WDR7: variants seen among roughly 807,000 people sequenced by gnomAD.
WDR7 encodes WD repeat domain 7, also known as WD repeat-containing protein 7.
A neutral mutation model predicts 169.4 loss-of-function variants in WDR7; 46 were observed. That is an observed-to-expected ratio of 0.27 (90% CI 0.21 to 0.35). WDR7 has a LOEUF of 0.35. Among genes scored for constraint, WDR7 ranks in the 10% least tolerant of loss-of-function variants. The probability of loss-of-function intolerance (pLI) is 1.00; values close to 1 mark genes in which losing one functional copy is unlikely to be tolerated. For missense variants in WDR7, 1,534 were observed against 1,859.3 expected (o/e 0.83, Z 3.22); for synonymous variants, 612 against 666.8 (o/e 0.92, Z 1.27).
intron 1 of WDR7, 153 bp downstream of exon 1, chr18:56,651,729 G>A (rs1318198117): frequency 6.6e-6 from 1 of 152,368 alleles, no homozygotes; most frequent in African/African-American, 2.4e-5. Flanking sequence ...CCTGCAGGTC[G>A]GGCCCAAAAG....
chr18:56,963,778 A>G (rs1408197155), intron 26 of WDR7, among the ~76,000 whole-genome samples: 3 of 152,160 alleles, frequency 2.0e-5, no homozygotes, highest in Non-Finnish European at 2.9e-5. Flanking sequence ...ACTTGTTTAA[A>G]AGTTAAATTG....
chr18:56,840,734 A>C (rs1222304093), intron 20 of WDR7, among the ~76,000 whole-genome samples: 1 of 151,956 alleles, frequency 6.6e-6, no homozygotes, highest in Non-Finnish European at 1.5e-5. Context: ...TGAGAAGATC[A>C]TCTGAACCCG....
chr18:56,951,721 A>G (rs934285843), intron 25 of WDR7, among the ~76,000 whole-genome samples: 5 of 152,178 alleles, frequency 3.3e-5, no homozygotes, highest in Non-Finnish European at 7.4e-5. Context: ...ATGTATATAC[A>G]CATGCACATA....
At chr18:56,694,255 T>C (rs2025646944) in intron 9 of WDR7, among the ~76,000 whole-genome samples, 1 of 152,250 alleles carries the variant, frequency 6.6e-6, no homozygotes, top group Admixed American at 6.5e-5. Flanking sequence ...AAGACTTTTC[T>C]TTTTGATAAA....
At chr18:56,711,582 AC>A (rs1568151877) in intron 12 of WDR7, among the ~76,000 whole-genome samples, 1 of 152,076 alleles carries the variant, frequency 6.6e-6, no homozygotes, top group East Asian at 1.9e-4. Flanking sequence ...AGACATTAAA[AC>A]TAGTCCTTAA....
At chr18:56,690,265 C>T (rs975536599) in intron 7 of WDR7, among the ~76,000 whole-genome samples, 3 of 152,074 alleles carry the variant, frequency 2.0e-5, no homozygotes, top group African/African-American at 7.2e-5. Context: ...TGCGGTGATT[C>T]TCAGGGTCAT....
At chr18:56,900,451 T>C (rs140088326) in intron 21 of WDR7, among the ~76,000 whole-genome samples, 297 of 152,188 alleles carry the variant, frequency 2.0e-3, no homozygotes, top group African/African-American at 6.8e-3. Context: ...GGAAGTTTAA[T>C]ACAAAGAGCT....
intron 11 of WDR7, among the ~76,000 whole-genome samples, chr18:56,695,711 AT>A (rs1419476747): frequency 6.6e-6 from 1 of 151,808 alleles, no homozygotes; most frequent in African/African-American, 2.4e-5. Flanking sequence ...TAATTTTTGT[AT>A]TTTTTGTAGG....
At chr18:56,915,340 C>CT (rs1248384047) in intron 21 of WDR7, among the ~76,000 whole-genome samples, 1 of 152,186 alleles carries the variant, frequency 6.6e-6, no homozygotes, top group South Asian at 2.1e-4. Flanking sequence ...GCTTCATTCA[C>CT]TTGGTTACAC....
rs143989784 is a variant in WDR7, at chr18:56,928,935, G to A, written c.3713+4827G>A. 5.9e-5 allele frequency among the ~76,000 whole-genome samples: 9 copies of A among 152,144 alleles called. No homozygotes were observed. In the South Asian group the frequency reaches 8.3e-4, roughly 14 times the overall value. On this transcript the variant is annotated intron_variant, in intron 22 of 27. Transcript: ENST00000254442. ...AACATCCACAGAATTAAAACAATTC[G>A]TTAAAGTACATAATCAGAATTTTCA... is the stretch of plus-strand genomic sequence containing the variant.
intron 20 of WDR7, among the ~76,000 whole-genome samples, chr18:56,862,418 C>A (rs2145413496): frequency 6.6e-6 from 1 of 151,348 alleles, no homozygotes; most frequent in African/African-American, 2.4e-5. Flanking sequence ...TTTATACAGT[C>A]AACTCTTAAA....
At chr18:56,752,419 C>T (rs2043809513) in intron 14 of WDR7, among the ~76,000 whole-genome samples, 1 of 152,104 alleles carries the variant, frequency 6.6e-6, no homozygotes, top group Non-Finnish European at 1.5e-5. Flanking sequence ...TTCTCCATTG[C>T]GTCCCCTTCT....
At chr18:56,981,532 A>G (rs1046272292) in intron 26 of WDR7, among the ~76,000 whole-genome samples, 3 of 152,196 alleles carry the variant, frequency 2.0e-5, no homozygotes, top group Non-Finnish European at 2.9e-5. Context: ...GAAAAACTTC[A>G]GTGTTTAGAG....
chr18:56,924,921 A>T (rs1019499238), intron 22 of WDR7, among the ~76,000 whole-genome samples: 18 of 152,174 alleles, frequency 1.2e-4, no homozygotes, highest in African/African-American at 4.3e-4. Context: ...CCCCATGCCC[A>T]TTAAGCAGTC....
At chr18:56,686,165 G>A in intron 6 of WDR7, 133 bp downstream of exon 6, 1 of 673,476 alleles carries the variant, frequency 1.5e-6, no homozygotes, top group Non-Finnish European at 2.3e-6. Flanking sequence ...TTTTCTTATA[G>A]GCATAGTATG....
Position 56,820,339 on chromosome 18 carries a change from C to CAAAAAAAAAAAAAAA in WDR7, c.3304+4206_3304+4220dup, listed in dbSNP as rs386387798. Reference sequence around the variant, plus strand: ...AAGGGTCAAGAGTCACTGACATTGTCAAAAAAAAAAAAAAAAAAAAAAAAA... The same window carrying CAAAAAAAAAAAAAAA: ...AAGGGTCAAGAGTCACTGACATTGTCAAAAAAAAAAAAAAAAAAAAAAAAAAAAAAAAAAAAAAAA... On this transcript the variant is annotated intron_variant, in intron 20 of 27. Coordinates refer to ENST00000254442, the MANE Select transcript of WDR7 (RefSeq NM_015285.3). Among the ~76,000 whole-genome samples the CAAAAAAAAAAAAAAA allele has an allele frequency of 4.5e-4, 19 of 42,476 alleles. 3 individuals carry two copies. Among genetic ancestry groups the CAAAAAAAAAAAAAAA allele is most frequent in the African/African-American group, 6.2e-4 (5 of 8,006 alleles). The allele number at this position is 42,476 out of a possible 152,430, so 27.9% of individuals were successfully genotyped here.
At chr18:56,821,763 G>C (rs886620399) in intron 20 of WDR7, among the ~76,000 whole-genome samples, 1 of 151,384 alleles carries the variant, frequency 6.6e-6, no homozygotes, top group African/African-American at 2.4e-5. Context: ...GGAGAGCTAA[G>C]GCAGGAGGAT....
intron 26 of WDR7, among the ~76,000 whole-genome samples, chr18:56,994,016 C>CTTTTTTTTTTTTTTTTT (rs35579782): frequency 7.7e-6 from 1 of 129,204 alleles, no homozygotes. Flanking sequence ...CTTTTTTTTT[C>CTTTTTTTTTTTTTTTTT]TTTTTTTTTT....
At chr18:56,864,614 T>A (rs2045855758) in intron 20 of WDR7, among the ~76,000 whole-genome samples, 1 of 151,840 alleles carries the variant, frequency 6.6e-6, no homozygotes, top group Non-Finnish European at 1.5e-5. Context: ...TTCTGTGTTA[T>A]GTATTTAACC....
Sources: allele counts gnomAD v4.1 joint callset (sites outside exome capture counted in the v4.1 genomes callset), GRCh38; gene constraint gnomAD v4.1.1; transcripts MANE v1.5; gene names NCBI Gene and HGNC (gene_info 2026-07-23, HGNC 2026-07-21).